SRGAP1: variants seen among roughly 807,000 people sequenced by gnomAD.
SRGAP1 encodes the protein SLIT-ROBO Rho GTPase-activating protein 1.
SRGAP1 carries 43 observed loss-of-function variants against 121.9 expected under a neutral mutation model. That is an observed-to-expected ratio of 0.35 (90% CI 0.28 to 0.46). SRGAP1 has a LOEUF of 0.46. Ranked by LOEUF, SRGAP1 falls within the 20% of genes least tolerant of loss-of-function variation. SRGAP1 has a pLI of 1.00. For missense variants in SRGAP1, 1,102 were observed against 1,350.9 expected (o/e 0.82, Z 2.89); for synonymous variants, 447 against 485.4 (o/e 0.92, Z 1.04).
intron 4 of SRGAP1, among the ~76,000 whole-genome samples, chr12:64,034,983 T>G (rs73130130): frequency 0.2 from 30,114 of 151,260 alleles, 3,454 homozygotes; most frequent in Non-Finnish European, 0.27. Flanking sequence ...ATTGTAACAG[T>G]CCTGCTGGCC....
intron 18 of SRGAP1, among the ~76,000 whole-genome samples, chr12:64,116,255 C>CAAAAAA (rs35619316): frequency 2.8e-5 from 2 of 72,664 alleles, no homozygotes; most frequent in Non-Finnish European, 5.5e-5. Flanking sequence ...GACCTCATCT[C>CAAAAAA]AAAAAAAAAA....
rs1460799679 is a variant in SRGAP1, at chr12:64,127,732, G to C, written c.2540+8G>C. ...TGACGGCTATTTAGCCAGGTAAGTAGAGCCTGGGAATCAGGCCCCTAAGCC... is the reference window on the plus strand; with the variant it reads ...TGACGGCTATTTAGCCAGGTAAGTACAGCCTGGGAATCAGGCCCCTAAGCC... On this transcript the variant is annotated splice_region_variant and intron_variant, in intron 20 of 21. Transcript: ENST00000355086. 4.3e-6 allele frequency: 7 copies of C among 1,613,766 alleles called. No homozygotes were observed. The Admixed American group carries it at 1.0e-4, about 23-fold the overall frequency.
At chr12:63,964,044 G>T (rs2032716633) in intron 1 of SRGAP1, among the ~76,000 whole-genome samples, 1 of 152,044 alleles carries the variant, frequency 6.6e-6, no homozygotes, top group South Asian at 2.1e-4. Context: ...TTTTTCCCCT[G>T]GGGAAGTGAG....
intron 3 of SRGAP1, among the ~76,000 whole-genome samples, chr12:63,991,742 C>T (rs1356210463): frequency 6.6e-6 from 1 of 152,156 alleles, no homozygotes; most frequent in East Asian, 1.9e-4. Context: ...AAGGAGGTCA[C>T]AATTTATCCA....
Position 64,063,076 on chromosome 12 carries a change from A to G in SRGAP1, c.961A>G (p.Met321Val), listed in dbSNP as rs142448927. ...PRSDKQRFME[M>V]YPAAFCPPMK... is the part of the protein sequence containing the mutation. ...GAGCGATAAGCAGAGATTCATGGAGATGTACCCTGCTGCGTTCTGTCCACC... is the reference window on the plus strand; with the variant it reads ...GAGCGATAAGCAGAGATTCATGGAGGTGTACCCTGCTGCGTTCTGTCCACC... Residue 321 changes from methionine to valine, a missense_variant, in exon 7 of 22, where the codon ATG becomes GTG. Met to Val is a conservative substitution (Grantham distance 21). Coordinates refer to ENST00000355086, the MANE Select transcript of SRGAP1 (RefSeq NM_020762.4). The G allele has an allele frequency of 3.1e-6, 5 of 1,613,976 alleles. No individual in the cohort carries two copies. Among genetic ancestry groups the G allele is most frequent in the Non-Finnish European group, 4.2e-6 (5 of 1,180,006 alleles).
chr12:63,941,839 C>A (rs1157915958), intron 1 of SRGAP1, among the ~76,000 whole-genome samples: 1 of 152,122 alleles, frequency 6.6e-6, no homozygotes, highest in Non-Finnish European at 1.5e-5. Context: ...AGAATGACCC[C>A]ACCTGGCTGT....
chr12:64,040,098 C>A lies in SRGAP1; in HGVS notation c.490-2692C>A, dbSNP rs139902559. Among the ~76,000 whole-genome samples, 913 of 152,174 alleles carry A rather than the reference C, an allele frequency of 6.0e-3. 5 individuals carry two copies. Among genetic ancestry groups the A allele is most frequent in the Middle Eastern group, 0.014 (4 of 294 alleles). ...AAATAAGTAAAGGTTCTTCGTTAAC[C>A]CCATGTTTTACCCTTCAAAATAGTC... On this transcript the variant is annotated intron_variant, in intron 4 of 21. Transcript: ENST00000355086.
At chr12:63,895,834 A>C (rs1050996723) in intron 1 of SRGAP1, among the ~76,000 whole-genome samples, 1 of 152,190 alleles carries the variant, frequency 6.6e-6, no homozygotes, top group African/African-American at 2.4e-5. Context: ...TCTTTGCTTC[A>C]TGGGGAATTC....
At chr12:64,078,891 A>G (rs1302027686) in intron 8 of SRGAP1, 28 bp from the exon 9 acceptor site, 28 of 1,603,148 alleles carry the variant, frequency 1.7e-5, no homozygotes, top group Non-Finnish European at 2.1e-5. Flanking sequence ...ATAATGTACT[A>G]ACGTGAGAAA....
At chr12:64,054,597 G>A (rs1410275735) in intron 6 of SRGAP1, among the ~76,000 whole-genome samples, 1 of 152,126 alleles carries the variant, frequency 6.6e-6, no homozygotes, top group Non-Finnish European at 1.5e-5. Flanking sequence ...CATGTTAAAT[G>A]GGTTAGGATA....
intron 10 of SRGAP1, among the ~76,000 whole-genome samples, chr12:64,083,238 T>C (rs2035878572): frequency 6.6e-6 from 1 of 152,146 alleles, no homozygotes; most frequent in Non-Finnish European, 1.5e-5. Context: ...ATGGTTATGT[T>C]TGGGGACAGT....
intron 4 of SRGAP1, among the ~76,000 whole-genome samples, chr12:64,025,702 G>T (rs1024831762): frequency 3.3e-5 from 5 of 152,136 alleles, no homozygotes; most frequent in African/African-American, 1.2e-4. Context: ...GCTGACAAAG[G>T]ATTTCCGTAC....
rs149063556 is a variant in SRGAP1 at position 64,145,352 on chromosome 12, C to G, written c.*2680C>G. On this transcript the variant is annotated 3_prime_UTR_variant, in exon 22 of 22. Transcript: ENST00000355086. Reference sequence around the variant, plus strand: ...GGTCATCCTCCCCAGCGGCTCCTCTCTCTGATGTGTCCACCTACGGTGGAA... The same window carrying G: ...GGTCATCCTCCCCAGCGGCTCCTCTGTCTGATGTGTCCACCTACGGTGGAA... 1 of 152,434 alleles carries G rather than the reference C, an allele frequency of 6.6e-6. No homozygotes were observed. The highest frequency in any genetic ancestry group is 1.9e-4 in the East Asian group (1 of 5,176). 9.4% of individuals were successfully genotyped at this position (152,434 alleles called of 1,614,324 possible).
At chr12:64,102,935 TGTAAATGG>T (rs2036281753) in intron 15 of SRGAP1, among the ~76,000 whole-genome samples, 1 of 152,142 alleles carries the variant, frequency 6.6e-6, no homozygotes, top group South Asian at 2.1e-4. Context: ...TGTTAAACTG[TGTAAATGG>T]GTAAATTATA....
rs2033074030 is a variant in SRGAP1 at position 63,975,675 on chromosome 12, T to G, written c.68-8272T>G. ...TTCAGCCTAGCCACCTTGCAAGTAC[T>G]CAGTGACACTTGCAGCTACATACTG... On this transcript the variant is annotated intron_variant, in intron 1 of 21. Coordinates refer to ENST00000355086, the MANE Select transcript of SRGAP1 (RefSeq NM_020762.4). 2.6e-5 allele frequency among the ~76,000 whole-genome samples: 4 copies of G among 152,180 alleles called. No individual in the cohort carries two copies. In the South Asian group the frequency reaches 8.3e-4, roughly 32 times the overall value.
rs1486850995 is a variant in SRGAP1, at chr12:64,128,193, T to C, written c.2873T>C (p.Ile958Thr). 6.8e-6 allele frequency: 11 copies of C among 1,608,088 alleles called. No individual in the cohort carries two copies. The highest frequency in any genetic ancestry group is 9.4e-6 in the Non-Finnish European group (11 of 1,175,036). The change falls in exon 21 of 22, where the codon ATT (isoleucine) becomes ACT (threonine). Residue 958 changes from isoleucine to threonine, a missense_variant. Physicochemically the swap from Ile to Thr is moderately conservative, Grantham distance 89 (BLOSUM62 -1). Around this residue, in one of 3 missense-constraint regions of SRGAP1, gnomAD observed 315 missense variants for 343.1 expected, o/e 0.92. Coordinates refer to ENST00000355086, the MANE Select transcript of SRGAP1 (RefSeq NM_020762.4). ...NDHKPLDPET[I>T]AQDIEETMNT... Reference sequence around the variant, plus strand: ...CACAAGCCACTGGACCCAGAGACAATTGCTCAGGTACGATGCTTTTAATTA... The same window carrying C: ...CACAAGCCACTGGACCCAGAGACAACTGCTCAGGTACGATGCTTTTAATTA...
At chr12:64,090,000 T>C (rs1194839082) in intron 11 of SRGAP1, among the ~76,000 whole-genome samples, 1 of 152,240 alleles carries the variant, frequency 6.6e-6, no homozygotes, top group Non-Finnish European at 1.5e-5. Flanking sequence ...AGTCTGAAGC[T>C]TAATGAAGGG....
At chr12:63,847,620 C>A (rs1898944251) in intron 1 of SRGAP1, among the ~76,000 whole-genome samples, 1 of 152,038 alleles carries the variant, frequency 6.6e-6, no homozygotes, top group Non-Finnish European at 1.5e-5. Context: ...GTGGTGCATG[C>A]CTGTAGTCCC....
intron 4 of SRGAP1, chr12:64,032,418 G>A: frequency 1.6e-6 from 1 of 629,320 alleles, no homozygotes; most frequent in East Asian, 3.0e-5. Flanking sequence ...TCATCAGTCA[G>A]ATCTCTGGGC....
Sources: gnomAD v4.1 joint callset for allele counts (sites outside exome capture counted in the v4.1 genomes callset) on GRCh38, gnomAD v4.1.1 for gene constraint, gnomAD v4.1.1 regional missense constraint, MANE v1.5 for transcripts, NCBI Gene and HGNC (gene_info 2026-07-23, HGNC 2026-07-21) for gene names.